The following CEP57L1 variants were observed in gnomAD, a reference collection of about 807,000 sequenced individuals.
CEP57L1 encodes the protein centrosomal protein CEP57L1.
Under a neutral mutation model 61.0 loss-of-function variants are expected in CEP57L1, and 37 were observed. The observed-to-expected ratio is 0.61, with a 90% CI of 0.47 to 0.80. CEP57L1 has a LOEUF of 0.80. Among genes scored for constraint, CEP57L1 ranks in the 30% least tolerant of loss-of-function variants. The pLI, the probability that CEP57L1 is intolerant of heterozygous loss-of-function variation, is 0.00. For missense variants in CEP57L1, 422 were observed against 524.7 expected (o/e 0.80, Z 1.91); for synonymous variants, 137 against 162.3 (o/e 0.84, Z 1.19).
chr6:109,137,088 A>G lies in CEP57L1; in HGVS notation c.-3-8131A>G, dbSNP rs537127229. Among the ~76,000 whole-genome samples the G allele has an allele frequency of 3.3e-5, 5 of 152,122 alleles. No homozygotes were observed. In the South Asian group the frequency reaches 1.0e-3, roughly 32 times the overall value. Reference sequence around the variant, plus strand: ...ATCTTTAAACATTGTAATACCTTTCATTATTTTCATAAGTTGTATTCTAGA... The same window carrying G: ...ATCTTTAAACATTGTAATACCTTTCGTTATTTTCATAAGTTGTATTCTAGA... On this transcript the variant is annotated intron_variant, in intron 1 of 10. Coordinates refer to ENST00000517392, the MANE Select transcript of CEP57L1 (RefSeq NM_001271852.3).
At chr6:109,160,760 T>C (rs775968503) in intron 10 of CEP57L1, 44 bp downstream of exon 10, 1 of 1,553,516 alleles carries the variant, frequency 6.4e-7, no homozygotes, top group African/African-American at 1.4e-5. Flanking sequence ...ACACAAAATA[T>C]CTGGATTCAG....
At chr6:109,147,696 T>C (rs1030787817) in intron 3 of CEP57L1, among the ~76,000 whole-genome samples, 1 of 152,200 alleles carries the variant, frequency 6.6e-6, no homozygotes, top group African/African-American at 2.4e-5. Context: ...GAATTAACTG[T>C]TCTGCCAGCA....
At chr6:109,162,724 A>G (rs758234705) in intron 10 of CEP57L1, 25 bp from the exon 11 acceptor site, 2 of 1,476,816 alleles carry the variant, frequency 1.4e-6, no homozygotes, top group South Asian at 1.2e-5. Flanking sequence ...TTTGACTAAA[A>G]TGTTAGATTT....
chr6:109,124,403 T>C (rs575433132), intron 1 of CEP57L1, among the ~76,000 whole-genome samples: 1 of 152,330 alleles, frequency 6.6e-6, no homozygotes, highest in East Asian at 1.9e-4. Context: ...TCTCTTGCTT[T>C]CATAATTTTG....
intron 1 of CEP57L1, among the ~76,000 whole-genome samples, chr6:109,118,175 A>G (rs1354768475): frequency 6.6e-6 from 1 of 152,140 alleles, no homozygotes; most frequent in Non-Finnish European, 1.5e-5. Context: ...AGCTGGAATT[A>G]CAGGCGCCCA....
At position 109,159,295 on chromosome 6, in the gene CEP57L1, C is replaced by A; in HGVS notation, c.849C>A (p.Ile283=). ...EKMRQHRDPH[I]LQKPFNVTET... ...TGAGGCAACATCGTGACCCACATAT[C>A]CTTCAGAAACCTTTTAACGTGACTG... The change falls in exon 9 of 11, where the codon ATC becomes ATA. Residue 283 remains isoleucine, a synonymous_variant. Coordinates refer to ENST00000517392, the MANE Select transcript of CEP57L1 (RefSeq NM_001271852.3). 1 of 1,614,026 alleles carries A rather than the reference C, an allele frequency of 6.2e-7. No homozygotes were observed.
intron 6 of CEP57L1, 21 bp from the exon 7 acceptor site, chr6:109,155,770 C>T (rs1773154513): frequency 1.6e-6 from 2 of 1,256,166 alleles, no homozygotes; most frequent in East Asian, 4.8e-5. Context: ...AATGTTATAA[C>T]CTTTTTTTTA....
At chr6:109,101,623 C>CTTTTTTTT (rs1175348573) in intron 1 of CEP57L1, among the ~76,000 whole-genome samples, 1 of 139,930 alleles carries the variant, frequency 7.1e-6, no homozygotes, top group Non-Finnish European at 1.5e-5. Context: ...TTTCTTTTTT[C>CTTTTTTTT]TTTTTTTTTT....
chr6:109,155,427 G>T, intron 6 of CEP57L1, 120 bp downstream of exon 6: 1 of 536,826 alleles, frequency 1.9e-6, no homozygotes, highest in Non-Finnish European at 3.1e-6. Context: ...TTGTCTTTTC[G>T]TTACAATAAT....
At chr6:109,104,040 G>GTT (rs776076258) in intron 1 of CEP57L1, among the ~76,000 whole-genome samples, 2 of 131,232 alleles carry the variant, frequency 1.5e-5, no homozygotes, top group African/African-American at 5.5e-5. Flanking sequence ...TTTAGTTTTT[G>GTT]TTTTTTTTTT....
At chr6:109,117,064 C>T (rs185344200) in intron 1 of CEP57L1, among the ~76,000 whole-genome samples, 24 of 152,056 alleles carry the variant, frequency 1.6e-4, no homozygotes, top group African/African-American at 5.8e-4. Flanking sequence ...ATAAAATTCC[C>T]GTGATTTTTA....
intron 9 of CEP57L1, 69 bp from the exon 10 acceptor site, chr6:109,160,503 G>A (rs1773619184): frequency 4.0e-6 from 5 of 1,241,464 alleles, no homozygotes; most frequent in Middle Eastern, 1.9e-4. Context: ...ACAGAAAATT[G>A]CTTAATTATG....
intron 1 of CEP57L1, among the ~76,000 whole-genome samples, chr6:109,111,079 T>A (rs540149648): frequency 2.6e-5 from 4 of 152,196 alleles, no homozygotes; most frequent in Middle Eastern, 3.2e-3. Flanking sequence ...AATGGTAGCT[T>A]GATCAGGATA....
chr6:109,158,455 C>G (rs1259475601), intron 7 of CEP57L1: 1 of 348,074 alleles, frequency 2.9e-6, no homozygotes, highest in African/African-American at 2.2e-5. Flanking sequence ...TACCACTGCA[C>G]CCCAGTCTGG....
At chr6:109,126,460 ATTACT>A (rs1401731683) in intron 1 of CEP57L1, among the ~76,000 whole-genome samples, 5 of 152,316 alleles carry the variant, frequency 3.3e-5, no homozygotes, top group Admixed American at 3.3e-4. Flanking sequence ...TTAACATTTA[ATTACT>A]TTAATCTGTT....
intron 1 of CEP57L1, among the ~76,000 whole-genome samples, chr6:109,105,413 A>G (rs1770809008): frequency 6.6e-6 from 1 of 152,210 alleles, no homozygotes; most frequent in African/African-American, 2.4e-5. Context: ...TATAGTGAAT[A>G]TTGGCATAGT....
chr6:109,149,948 G>C (rs369409905), intron 3 of CEP57L1, among the ~76,000 whole-genome samples, 170 bp from the exon 4 acceptor site: 1 of 152,038 alleles, frequency 6.6e-6, no homozygotes. Context: ...AAGAATGCTC[G>C]TGATTTTTGT....
chr6:109,125,081 CAG>C (rs1380283003), intron 1 of CEP57L1: 30 of 152,134 alleles, frequency 2.0e-4, no homozygotes, highest in Non-Finnish European at 4.1e-4. Flanking sequence ...AGACAGAAAA[CAG>C]AGTCTAGGAT....
intron 7 of CEP57L1, chr6:109,156,121 C>G (rs1773193048): frequency 6.6e-6 from 2 of 303,920 alleles, no homozygotes; most frequent in Admixed American, 1.1e-4. Context: ...GCTTGACAAC[C>G]AAAGCAAAAA....
Sources: allele counts gnomAD v4.1 joint callset (sites outside exome capture counted in the v4.1 genomes callset), GRCh38; gene constraint gnomAD v4.1.1; transcripts MANE v1.5; gene names NCBI Gene and HGNC (gene_info 2026-07-23, HGNC 2026-07-21).